The following PDE1A variants were observed in gnomAD, a reference collection of about 807,000 sequenced individuals.
PDE1A encodes the protein phosphodiesterase 1A.
In PDE1A, 35 loss-of-function variants were observed where a neutral mutation model predicts 61.7. The ratio of observed to expected loss-of-function variants is 0.57; its 90% confidence interval spans 0.43 to 0.75. PDE1A has a LOEUF of 0.75. Ranked by LOEUF, PDE1A falls within the 30% of genes least tolerant of loss-of-function variation. PDE1A has a pLI of 0.00. For synonymous variants in PDE1A, 232 were observed against 213.2 expected (o/e 1.09, Z -0.77); for missense variants, 597 against 630.6 (o/e 0.95, Z 0.57).
At chr2:182,709,576 A>G in the PDE1A span, among the ~76,000 whole-genome samples, 1 of 152,250 alleles carries the variant, frequency 6.6e-6, no homozygotes, top group Non-Finnish European at 1.5e-5. Flanking sequence ...GTGATCAAAT[A>G]TGCTTAGCTG....
chr2:182,413,150 A>G (rs1172534282), intron 1 of PDE1A, among the ~76,000 whole-genome samples: 1 of 152,198 alleles, frequency 6.6e-6, no homozygotes, highest in Non-Finnish European at 1.5e-5. Context: ...TGAAAGGAGG[A>G]AAGAGATGGA....
intron 2 of PDE1A, among the ~76,000 whole-genome samples, chr2:182,448,828 T>C (rs1303723778): frequency 1.3e-5 from 2 of 152,062 alleles, no homozygotes; most frequent in African/African-American, 4.8e-5. Flanking sequence ...ACATAAGTTA[T>C]GGTGTTGGTG....
exon 10 of PDE1A, chr2:182,201,439 C>G: frequency 6.2e-7 from 1 of 1,613,636 alleles, no homozygotes. Flanking sequence ...AAAGAGGCAC[C>G]TGCAGGAAAA....
At chr2:182,443,469 ATCTCCCCCTTGCTGGTC>A (rs1298842201) in intron 2 of PDE1A, among the ~76,000 whole-genome samples, 1 of 151,644 alleles carries the variant, frequency 6.6e-6, no homozygotes, top group Non-Finnish European at 1.5e-5. Flanking sequence ...ATGGGGGCGG[ATCTCCCCCTTGCTGGTC>A]TCGAGATAGT....
chr2:182,579,648 G>A, the PDE1A span, among the ~76,000 whole-genome samples: 2 of 152,122 alleles, frequency 1.3e-5, no homozygotes, highest in Admixed American at 1.3e-4. Context: ...AAGTCTGAAA[G>A]GAGAACAAGT....
intron 2 of PDE1A, chr2:182,242,140 A>T (rs994121987): frequency 9.9e-5 from 113 of 1,144,656 alleles, no homozygotes; most frequent in Non-Finnish European, 1.2e-4. Context: ...CCTTAGAATG[A>T]CAGAAACCTG....
intron 1 of PDE1A, among the ~76,000 whole-genome samples, chr2:182,340,109 G>A (rs886482891): frequency 1.3e-5 from 2 of 152,100 alleles, no homozygotes; most frequent in African/African-American, 2.4e-5. Context: ...CAAGGTAAAC[G>A]TTAAAATGAA....
the PDE1A span, among the ~76,000 whole-genome samples, chr2:182,653,803 A>C: frequency 4.6e-5 from 7 of 152,052 alleles, no homozygotes; most frequent in African/African-American, 7.3e-5. Flanking sequence ...ACGAGTCTTA[A>C]CCTCTGCCAT....
chr2:182,315,488 A>T (rs1253071957), intron 1 of PDE1A, among the ~76,000 whole-genome samples: 2 of 152,208 alleles, frequency 1.3e-5, no homozygotes, highest in African/African-American at 4.8e-5. Flanking sequence ...ATGTCTGATT[A>T]TCCATTCAAG....
chr2:182,189,117 G>A lies in PDE1A; in HGVS notation c.1126-57C>T, dbSNP rs1026010937. On this transcript the variant is annotated intron_variant, in intron 10 of 13. Coordinates refer to ENST00000351439, the Ensembl canonical transcript of PDE1A. ...TGGGTTGGAGAAGCTAAAATAATGA[G>A]CAACCTAAGATATAAAGCCTAGAAA... is the stretch of plus-strand genomic sequence containing the variant. The A allele has an allele frequency of 3.4e-5, 37 of 1,093,640 alleles. 2 individuals are homozygous for A. Among genetic ancestry groups the A allele is most frequent in the South Asian group, 3.3e-4 (25 of 74,864 alleles). The allele number at this position is 1,093,640 out of a possible 1,614,324, so 67.7% of individuals were successfully genotyped here.
intron 13 of PDE1A, among the ~76,000 whole-genome samples, chr2:182,155,382 T>C (rs998895564): frequency 2.6e-5 from 4 of 152,132 alleles, no homozygotes; most frequent in Admixed American, 6.5e-5. Flanking sequence ...AGCCACCATG[T>C]CCAGCTGGGA....
At position 182,223,976 on chromosome 2, in the gene PDE1A, C is replaced by G. The variant is rs755271825; in HGVS notation, c.676-12G>C. 2 of 1,561,122 alleles carry G rather than the reference C, an allele frequency of 1.3e-6. No individual in the cohort carries two copies. Among genetic ancestry groups the G allele is most frequent in the Non-Finnish European group, 8.8e-7 (1 of 1,136,500 alleles). On this transcript the variant is annotated splice_polypyrimidine_tract_variant and intron_variant, in intron 6 of 13. Transcript: ENST00000351439. ...TCAGTGAGCCAGTGCTAGTAAATTA[C>G]AGAAAGAATCCATTATATTCAAGAA...
intron 2 of PDE1A, chr2:182,242,079 T>C (rs1339469229): frequency 8.4e-6 from 11 of 1,310,966 alleles, no homozygotes; most frequent in African/African-American, 6.0e-5. Flanking sequence ...AATCTTGTGA[T>C]GTCACCATGC....
the PDE1A span, among the ~76,000 whole-genome samples, chr2:182,634,322 T>G: frequency 1.3e-5 from 2 of 152,212 alleles, no homozygotes; most frequent in Non-Finnish European, 2.9e-5. Flanking sequence ...TTGAACTATG[T>G]CTAGTGTGAA....
At chr2:182,613,770 T>C in the PDE1A span, among the ~76,000 whole-genome samples, 1 of 152,148 alleles carries the variant, frequency 6.6e-6, no homozygotes. Flanking sequence ...TTTTTAACCA[T>C]GAGTTTCCCG....
chr2:182,144,189 A>G (rs1461389764), downstream of PDE1A, among the ~76,000 whole-genome samples: 1 of 152,264 alleles, frequency 6.6e-6, no homozygotes, highest in African/African-American at 2.4e-5. Flanking sequence ...GTTAAAGAGT[A>G]GACACCGGTC....
At chr2:182,470,090 G>T (rs1002526585) in intron 2 of PDE1A, among the ~76,000 whole-genome samples, 2 of 151,850 alleles carry the variant, frequency 1.3e-5, no homozygotes, top group African/African-American at 4.8e-5. Flanking sequence ...GTGAAAACAC[G>T]CTGTTAGAAA....
chr2:182,241,799 TACTC>T, intron 2 of PDE1A: 1 of 1,501,474 alleles, frequency 6.7e-7, no homozygotes, highest in South Asian at 1.2e-5. Context: ...GATTAATACT[TACTC>T]TATATGATTT....
At chr2:182,267,844 G>A (rs1015151635) in intron 1 of PDE1A, among the ~76,000 whole-genome samples, 5 of 151,878 alleles carry the variant, frequency 3.3e-5, no homozygotes, top group Admixed American at 1.3e-4. Flanking sequence ...TGTATGTTCT[G>A]TACTGGTGGG....
Sources: allele counts gnomAD v4.1 joint callset (sites outside exome capture counted in the v4.1 genomes callset), GRCh38; gene constraint gnomAD v4.1.1; transcripts MANE v1.5; gene names NCBI Gene and HGNC (gene_info 2026-07-23, HGNC 2026-07-21).